DPP6: variants seen among roughly 807,000 people sequenced by gnomAD.
DPP6 encodes the protein A-type potassium channel modulatory protein DPP6.
In DPP6, 69 loss-of-function variants were observed where a neutral mutation model predicts 122.6. The observed-to-expected ratio is 0.56, with a 90% CI of 0.46 to 0.69. The LOEUF (loss-of-function observed/expected upper bound fraction) is 0.69, where lower values mean the gene tolerates loss of function less well. Ranked by LOEUF, DPP6 falls within the 30% of genes least tolerant of loss-of-function variation. DPP6 has a pLI of 0.00. For missense variants in DPP6, 928 were observed against 1,116.9 expected (o/e 0.83, Z 2.41); for synonymous variants, 418 against 433.1 (o/e 0.97, Z 0.43).
chr7:153,749,138 G>C, the DPP6 span, among the ~76,000 whole-genome samples: 88,172 of 151,660 alleles, frequency 0.58, 26,466 homozygotes, highest in African/African-American at 0.76. This position sits in a 1 kb window ranked among gnomAD's most constrained non-coding sequence, Gnocchi z 4.1. Context: ...GCGTCTGCAT[G>C]CCTTGCAGGG....
intron 1 of DPP6, among the ~76,000 whole-genome samples, chr7:153,933,410 C>G (rs1393139447): frequency 6.6e-6 from 1 of 152,130 alleles, no homozygotes; most frequent in Non-Finnish European, 1.5e-5. Flanking sequence ...TTTGGGTAAA[C>G]CTTTGTCTAT....
chr7:154,882,408 G>T (rs1805460024), intron 21 of DPP6, among the ~76,000 whole-genome samples: 1 of 152,242 alleles, frequency 6.6e-6, no homozygotes, highest in African/African-American at 2.4e-5. Context: ...GTTTTAACAA[G>T]CCTTAGATAG....
chr7:153,810,480 G>A, the DPP6 span, among the ~76,000 whole-genome samples: 1 of 152,046 alleles, frequency 6.6e-6, no homozygotes, highest in Non-Finnish European at 1.5e-5. Flanking sequence ...AAGAGGCACT[G>A]GGAGGAAATA....
chr7:154,732,125 G>A (rs367566551), intron 8 of DPP6, among the ~76,000 whole-genome samples: 5 of 151,562 alleles, frequency 3.3e-5, no homozygotes, highest in East Asian at 1.9e-4. Flanking sequence ...TGCAAGCTCC[G>A]CCTCCCAGGG....
At chr7:154,485,299 G>T (rs1220650294) in intron 3 of DPP6, among the ~76,000 whole-genome samples, 2 of 152,202 alleles carry the variant, frequency 1.3e-5, no homozygotes, top group Admixed American at 1.3e-4. Context: ...GTACCTTAAT[G>T]AAGTCCTTAA....
chr7:154,572,735 A>AAG (rs1831209435), intron 5 of DPP6, among the ~76,000 whole-genome samples: 1 of 148,576 alleles, frequency 6.7e-6, no homozygotes, highest in Admixed American at 6.7e-5. Context: ...GCTGGAGTGC[A>AAG]GTGGCACGAT....
At chr7:154,678,776 G>A (rs750663184) in intron 7 of DPP6, among the ~76,000 whole-genome samples, 4 of 152,200 alleles carry the variant, frequency 2.6e-5, no homozygotes, top group Non-Finnish European at 4.4e-5. Context: ...GATTCAGATC[G>A]TGGTTGCAGC....
intron 1 of DPP6, among the ~76,000 whole-genome samples, chr7:154,063,660 G>C (rs6969975): frequency 1.1e-5 from 1 of 92,690 alleles, no homozygotes; most frequent in African/African-American, 5.5e-5. Context: ...CCCCTCTGGC[G>C]CTTAGGACCC....
At chr7:154,111,530 G>T (rs1230406910) in intron 1 of DPP6, among the ~76,000 whole-genome samples, 1 of 152,124 alleles carries the variant, frequency 6.6e-6, no homozygotes, top group Non-Finnish European at 1.5e-5. Flanking sequence ...CATGATTTAT[G>T]CCAATGGTTA....
the DPP6 span, among the ~76,000 whole-genome samples, chr7:153,780,918 C>T: frequency 6.6e-6 from 1 of 152,120 alleles, no homozygotes; most frequent in Non-Finnish European, 1.5e-5. Context: ...CTCCTTGTAA[C>T]TTTCTGTTTG....
At chr7:154,054,752 C>G (rs984903990) in intron 1 of DPP6, among the ~76,000 whole-genome samples, 1 of 149,496 alleles carries the variant, frequency 6.7e-6, no homozygotes. Flanking sequence ...GCAATGCAAA[C>G]AGGAAAAATG....
intron 1 of DPP6, among the ~76,000 whole-genome samples, chr7:154,186,751 A>T (rs906636327): frequency 3.9e-5 from 6 of 152,250 alleles, no homozygotes; most frequent in African/African-American, 1.4e-4. Flanking sequence ...TAAATGGGTG[A>T]TATAATTACT....
Position 154,424,382 on chromosome 7 carries a change from A to C in DPP6, c.244-21832A>C, listed in dbSNP as rs746004039. Among the ~76,000 whole-genome samples, 15 of 152,224 alleles carry C rather than the reference A, an allele frequency of 9.9e-5. 1 individual carries two copies. Among genetic ancestry groups the C allele is most frequent in the Non-Finnish European group, 1.5e-4 (10 of 68,040 alleles). On this transcript the variant is annotated intron_variant, in intron 1 of 25. Transcript: ENST00000377770. ...AAGTAGCTCAAATCAAAGTGTCTGC[A>C]GGGCTAATTCCTTCTGGAGGCTCCA...
chr7:154,621,205 A>G (rs1834625539), intron 5 of DPP6, among the ~76,000 whole-genome samples: 1 of 152,104 alleles, frequency 6.6e-6, no homozygotes, highest in African/African-American at 2.4e-5. Context: ...ACTGGCAACT[A>G]CGACATGATT....
At chr7:154,738,029 G>C (rs190027440) in intron 8 of DPP6, among the ~76,000 whole-genome samples, 2 of 152,354 alleles carry the variant, frequency 1.3e-5, no homozygotes, top group African/African-American at 4.8e-5. Context: ...ATTGCCAACA[G>C]GTTCATTGTA....
chr7:153,942,965 G>C (rs1355915987), intron 1 of DPP6, among the ~76,000 whole-genome samples: 1 of 152,140 alleles, frequency 6.6e-6, no homozygotes, highest in Non-Finnish European at 1.5e-5. Flanking sequence ...ATGCATGGTT[G>C]ACCTGATGCT....
chr7:154,228,595 C>G (rs1800743410), intron 1 of DPP6, among the ~76,000 whole-genome samples: 1 of 151,982 alleles, frequency 6.6e-6, no homozygotes, highest in Non-Finnish European at 1.5e-5. Context: ...TTAGTAAGAA[C>G]CTAAGATATT....
In DPP6 at chr7:154,172,648, T is replaced by A. The variant is rs188573072; in HGVS notation, c.243+119585T>A. 1.8e-3 allele frequency among the ~76,000 whole-genome samples: 275 copies of A among 148,756 alleles called. 2 individuals carry two copies. Among genetic ancestry groups the A allele is most frequent in the Middle Eastern group, 3.5e-3 (1 of 288 alleles). On this transcript the variant is annotated intron_variant, in intron 1 of 25. Transcript: ENST00000377770. ...GACAGGGTCTTGCTGTGACCCAGGA[T>A]GGACTGCAGTGGTGCCATCACAGCT...
the DPP6 span, among the ~76,000 whole-genome samples, chr7:153,872,299 A>ATATCTTG: frequency 1.3e-5 from 2 of 152,176 alleles, no homozygotes; most frequent in Non-Finnish European, 2.9e-5. Context: ...AGGTGCACTT[A>ATATCTTG]TATCTTGTAT....
Sources: allele counts gnomAD v4.1 joint callset (sites outside exome capture counted in the v4.1 genomes callset), GRCh38; gene constraint gnomAD v4.1.1; non-coding constraint Gnocchi (gnomAD v3.1); transcripts MANE v1.5; gene names NCBI Gene and HGNC (gene_info 2026-07-23, HGNC 2026-07-21).